THSD7B: variants seen among roughly 807,000 people sequenced by gnomAD.
THSD7B encodes the protein thrombospondin type 1 domain containing 7B, also known as thrombospondin type-1 domain-containing protein 7B.
Under a neutral mutation model 213.6 loss-of-function variants are expected in THSD7B, and 138 were observed. The observed-to-expected ratio is 0.65, with a 90% CI of 0.56 to 0.74. The LOEUF (loss-of-function observed/expected upper bound fraction) is 0.74. Among genes scored for constraint, THSD7B ranks in the 30% least tolerant of loss-of-function variants. The pLI is 0.00. For missense variants in THSD7B, 1,931 were observed against 1,991.5 expected, an observed-to-expected ratio of 0.97 and a Z score of 0.58; for synonymous variants, 742 against 687.0, an observed-to-expected ratio of 1.08 and a Z score of -1.25.
chr2:137,579,532 G>A (rs529216625), intron 17 of THSD7B, among the ~76,000 whole-genome samples: 8,129 of 151,724 alleles, frequency 0.054, 283 homozygotes, highest in Middle Eastern at 0.082. Flanking sequence ...ACACACACGC[G>A]CGTGCGCACA....
chr2:136,814,103 T>C (rs1682432591), intron 1 of THSD7B, among the ~76,000 whole-genome samples: 1 of 152,210 alleles, frequency 6.6e-6, no homozygotes, highest in Admixed American at 6.5e-5. Flanking sequence ...TTTGCCTTGA[T>C]CTTTGAACTC....
intron 15 of THSD7B, among the ~76,000 whole-genome samples, chr2:137,529,337 G>A (rs1445948803): frequency 6.6e-6 from 1 of 151,982 alleles, no homozygotes; most frequent in Non-Finnish European, 1.5e-5. Flanking sequence ...ACAAAGGCAA[G>A]GTAGAGATTT....
intron 3 of THSD7B, among the ~76,000 whole-genome samples, chr2:137,086,398 C>T (rs1056493807): frequency 1.3e-5 from 2 of 152,046 alleles, no homozygotes; most frequent in Non-Finnish European, 2.9e-5. Context: ...AGGGGCAAAA[C>T]CATTTTCTAT....
intron 14 of THSD7B, among the ~76,000 whole-genome samples, chr2:137,413,662 T>C (rs1686724276): frequency 6.6e-6 from 1 of 152,172 alleles, no homozygotes. Flanking sequence ...GGTTTGAGTG[T>C]AGAGAGTGAG....
At chr2:137,660,819 A>C (rs913416554) in intron 25 of THSD7B, among the ~76,000 whole-genome samples, 1 of 152,294 alleles carries the variant, frequency 6.6e-6, no homozygotes, top group Non-Finnish European at 1.5e-5. Context: ...TTCAATTAAA[A>C]CCAACTGAAA....
rs910143619 is a variant in THSD7B, at chr2:137,573,014, G to A, written c.3423+458G>A. 2.0e-5 allele frequency among the ~76,000 whole-genome samples: 3 copies of A among 151,066 alleles called. No individual in the cohort carries two copies. The South Asian group carries it at 6.3e-4, about 32-fold the overall frequency. Reference sequence around the variant, plus strand: ...CTTTTACTGTTTTCCTGAAGATGAGGCATTCTTTTGCCATGTTTCTACTTC... The same window carrying A: ...CTTTTACTGTTTTCCTGAAGATGAGACATTCTTTTGCCATGTTTCTACTTC... On this transcript the variant is annotated intron_variant, in intron 17 of 27. Coordinates refer to ENST00000409968, the MANE Select transcript of THSD7B (RefSeq NM_001316349.2).
intron 2 of THSD7B, among the ~76,000 whole-genome samples, chr2:137,031,563 C>T (rs1336881061): frequency 1.3e-5 from 2 of 152,032 alleles, no homozygotes; most frequent in African/African-American, 2.4e-5. Flanking sequence ...GGGACCAGCA[C>T]AGTACCTAGC....
intron 15 of THSD7B, among the ~76,000 whole-genome samples, chr2:137,491,637 A>T (rs1688607552): frequency 6.6e-6 from 1 of 152,200 alleles, no homozygotes; most frequent in African/African-American, 2.4e-5. Context: ...AAATGTCTTC[A>T]TACCAGGATG....
intron 2 of THSD7B, among the ~76,000 whole-genome samples, chr2:136,960,579 A>G (rs16837680): frequency 0.11 from 16,060 of 152,130 alleles, 938 homozygotes; most frequent in African/African-American, 0.14. Context: ...ATTTTTTGAT[A>G]TGGGTTACTT....
At chr2:136,855,223 A>G (rs1683158871) in intron 1 of THSD7B, among the ~76,000 whole-genome samples, 1 of 152,154 alleles carries the variant, frequency 6.6e-6, no homozygotes, top group South Asian at 2.1e-4. Context: ...AAGAGTGGGT[A>G]CATCTTGACT....
At chr2:136,793,702 T>C (rs1429045465) in intron 1 of THSD7B, among the ~76,000 whole-genome samples, 2 of 152,006 alleles carry the variant, frequency 1.3e-5, no homozygotes, top group African/African-American at 4.8e-5. Flanking sequence ...TTTTTGTATC[T>C]TTGTTTATGA....
chr2:137,663,001 AT>A (rs1683379787), intron 25 of THSD7B, among the ~76,000 whole-genome samples: 1 of 143,552 alleles, frequency 7.0e-6, no homozygotes, highest in Non-Finnish European at 1.5e-5. Flanking sequence ...GGAGGCGGAG[AT>A]TACAATGAGC....
At position 137,667,627 on chromosome 2, in the gene THSD7B, A is replaced by C. The variant is rs1246928821; in HGVS notation, c.4652-147A>C. ...ATGCTAGAGCATTGCTAACTTCTGC[A>C]GTTGAGTGCACAGTTGGCTAAAGTG... On this transcript the variant is annotated intron_variant, in intron 26 of 27. Coordinates refer to ENST00000409968, the MANE Select transcript of THSD7B (RefSeq NM_001316349.2). 8.3e-6 allele frequency: 5 copies of C among 599,456 alleles called. No homozygotes were observed. In the South Asian group the frequency reaches 9.2e-5, roughly 11 times the overall value. 37.1% of individuals were successfully genotyped at this position (599,456 alleles called of 1,614,324 possible). A position where few individuals can be genotyped will look rare whatever the true frequency, so the allele number is the denominator to read the frequency against.
chr2:136,951,345 A>ACTGT (rs1483162833), intron 2 of THSD7B, among the ~76,000 whole-genome samples: 1 of 152,176 alleles, frequency 6.6e-6, no homozygotes, highest in Non-Finnish European at 1.5e-5. Context: ...TAAATGATTA[A>ACTGT]AATGTCCTGT....
chr2:137,321,146 A>G (rs1413064589), intron 12 of THSD7B, among the ~76,000 whole-genome samples: 1 of 152,216 alleles, frequency 6.6e-6, no homozygotes, highest in African/African-American at 2.4e-5. Context: ...AGTTTTCATC[A>G]TCTTTATCTT....
intron 14 of THSD7B, among the ~76,000 whole-genome samples, chr2:137,440,931 G>A (rs965567985): frequency 2.6e-5 from 4 of 151,986 alleles, no homozygotes; most frequent in Non-Finnish European, 5.9e-5. Flanking sequence ...TCATAAACTG[G>A]CAATTGCTGA....
intron 12 of THSD7B, among the ~76,000 whole-genome samples, chr2:137,318,043 A>T (rs1172344127): frequency 6.6e-6 from 1 of 152,206 alleles, no homozygotes. Flanking sequence ...TACATCTGTA[A>T]ACCCACTCTA....
At position 137,190,600 on chromosome 2, in the gene THSD7B, G is replaced by A. The variant is rs557759745; in HGVS notation, c.1723+19662G>A. Among the ~76,000 whole-genome samples the A allele has an allele frequency of 6.6e-5, 10 of 152,148 alleles. No homozygotes were observed. The South Asian group carries it at 1.2e-3, about 19-fold the overall frequency. ...TGCAGCATTGGTTTCTGTACTGCAC[G>A]GTCCTTCTGGTCATCCTTTCCTGGG... On this transcript the variant is annotated intron_variant, in intron 7 of 27. Coordinates refer to ENST00000409968, the MANE Select transcript of THSD7B (RefSeq NM_001316349.2).
At chr2:137,485,339 C>G (rs28886879) in intron 15 of THSD7B, among the ~76,000 whole-genome samples, 4 of 150,572 alleles carry the variant, frequency 2.7e-5, no homozygotes, top group Non-Finnish European at 5.9e-5. Flanking sequence ...TGTAGATATG[C>G]GGCATTATTT....
Sources: gnomAD v4.1 joint callset for allele counts (sites outside exome capture counted in the v4.1 genomes callset) on GRCh38, gnomAD v4.1.1 for gene constraint, MANE v1.5 for transcripts, NCBI Gene and HGNC (gene_info 2026-07-23, HGNC 2026-07-21) for gene names.